DEPDC1B: variants seen among roughly 807,000 people sequenced by gnomAD.
DEPDC1B encodes the protein DEP domain containing 1B.
DEPDC1B carries 51 observed loss-of-function variants against 66.5 expected under a neutral mutation model. That is an observed-to-expected ratio of 0.77 (90% CI 0.61 to 0.97). The LOEUF is 0.97. DEPDC1B is among the 50% of genes least tolerant of loss of function. The pLI is 0.00. For synonymous variants in DEPDC1B, 226 were observed against 223.6 expected (o/e 1.01, Z -0.10); for missense variants, 552 against 637.1 (o/e 0.87, Z 1.44).
At chr5:60,684,060 A>G (rs1266014900) in intron 2 of DEPDC1B, among the ~76,000 whole-genome samples, 1 of 152,120 alleles carries the variant, frequency 6.6e-6, no homozygotes, top group South Asian at 2.1e-4. Context: ...AAAAATCTCT[A>G]TAAAGAAAAC....
chr5:60,602,086 T>C (rs1584018187), intron 9 of DEPDC1B, among the ~76,000 whole-genome samples: 1 of 147,134 alleles, frequency 6.8e-6, no homozygotes, highest in African/African-American at 2.6e-5. Flanking sequence ...TTTCTCATTG[T>C]TAACAGAATG....
rs540623224 is a variant in DEPDC1B, at chr5:60,638,173, G to A, written c.898+577C>T. Among the ~76,000 whole-genome samples, 16 of 152,226 alleles carry A rather than the reference G, an allele frequency of 1.1e-4. No individual in the cohort carries two copies. The East Asian group carries it at 1.5e-3, about 15-fold the overall frequency. ...TCCAAGAAGAAAGGAATATCGGAACGAACTATAACAATATTGTTGATTTTT... is the reference window on the plus strand; with the variant it reads ...TCCAAGAAGAAAGGAATATCGGAACAAACTATAACAATATTGTTGATTTTT... On this transcript the variant is annotated intron_variant, in intron 7 of 10. Coordinates refer to ENST00000265036, the MANE Select transcript of DEPDC1B (RefSeq NM_018369.3).
intron 2 of DEPDC1B, among the ~76,000 whole-genome samples, chr5:60,679,089 T>C (rs1754233925): frequency 6.6e-6 from 1 of 152,220 alleles, no homozygotes. Flanking sequence ...TTGAGGTTCT[T>C]TTTTTATTTT....
At chr5:60,609,648 T>G (rs1335065364) in intron 7 of DEPDC1B, among the ~76,000 whole-genome samples, 2 of 152,188 alleles carry the variant, frequency 1.3e-5, no homozygotes, top group East Asian at 3.8e-4. Context: ...TGGTTAGGTC[T>G]ATAACACTAC....
chr5:60,620,447 AAAAC>A (rs1476759938), intron 7 of DEPDC1B, among the ~76,000 whole-genome samples: 3 of 152,240 alleles, frequency 2.0e-5, no homozygotes, highest in Admixed American at 1.3e-4. Flanking sequence ...TTACAAGAAA[AAAAC>A]AAACAACCCC....
At chr5:60,647,118 A>C (rs1423660820) in intron 3 of DEPDC1B, among the ~76,000 whole-genome samples, 1 of 142,618 alleles carries the variant, frequency 7.0e-6, no homozygotes, top group Non-Finnish European at 1.5e-5. Context: ...GCCCTGGTCC[A>C]TGGAGAAATT....
chr5:60,661,941 C>T (rs1753724726), intron 2 of DEPDC1B, among the ~76,000 whole-genome samples: 1 of 152,280 alleles, frequency 6.6e-6, no homozygotes. Flanking sequence ...CAATGATGTC[C>T]ACCATAATAC....
chr5:60,664,184 A>G (rs1753785045), intron 2 of DEPDC1B, among the ~76,000 whole-genome samples: 1 of 152,186 alleles, frequency 6.6e-6, no homozygotes, highest in Admixed American at 6.5e-5. Flanking sequence ...TATGTCACAG[A>G]AAAAACAGGA....
chr5:60,627,440 T>C (rs925964752), intron 7 of DEPDC1B, among the ~76,000 whole-genome samples: 4 of 152,126 alleles, frequency 2.6e-5, no homozygotes, highest in Non-Finnish European at 5.9e-5. Flanking sequence ...TCTATCTTTT[T>C]TTTTTCTCCC....
chr5:60,667,708 TAAAATGGATATTTTACATATATATAA>T lies in DEPDC1B; in HGVS notation c.314+19228_314+19253del, dbSNP rs1561383978. Among the ~76,000 whole-genome samples, 9 of 104,224 alleles carry T rather than the reference TAAAATGGATATTTTACATATATATAA, an allele frequency of 8.6e-5. No homozygotes were observed. In the East Asian group the frequency reaches 1.2e-3, roughly 14 times the overall value. 68.4% of individuals were successfully genotyped at this position (104,224 alleles called of 152,430 possible). ...ATATAATGGATATTTTACATGTATA[TAAAATGGATATTTTACATATATATAA>T]AAAATGGATATTTTACATATATATA... On this transcript the variant is annotated intron_variant, in intron 2 of 10. Coordinates refer to ENST00000265036, the MANE Select transcript of DEPDC1B (RefSeq NM_018369.3).
rs141364402 is a variant in DEPDC1B, at chr5:60,605,099, T to C, written c.1065+591A>G. Among the ~76,000 whole-genome samples the C allele has an allele frequency of 9.9e-3, 1,508 of 152,232 alleles. 38 individuals are homozygous for C. Among genetic ancestry groups the C allele is most frequent in the East Asian group, 0.067 (345 of 5,170 alleles). ...AGTAAATTCTAAAATAAACTCTCTTTAAAAACATATGCCAATAGAAGCAGA... is the reference window on the plus strand; with the variant it reads ...AGTAAATTCTAAAATAAACTCTCTTCAAAAACATATGCCAATAGAAGCAGA... On this transcript the variant is annotated intron_variant, in intron 8 of 10. Coordinates refer to ENST00000265036, the MANE Select transcript of DEPDC1B (RefSeq NM_018369.3).
At chr5:60,692,865 T>C (rs1381872855) in intron 1 of DEPDC1B, among the ~76,000 whole-genome samples, 2 of 152,056 alleles carry the variant, frequency 1.3e-5, no homozygotes, top group Admixed American at 1.3e-4. Context: ...CAGAAAATAA[T>C]ATTGAGATGA....
chr5:60,629,405 T>C (rs1752875655), intron 7 of DEPDC1B, among the ~76,000 whole-genome samples: 1 of 152,236 alleles, frequency 6.6e-6, no homozygotes, highest in Non-Finnish European at 1.5e-5. Flanking sequence ...TTTTATTTTT[T>C]GAGCAAACTC....
chr5:60,608,771 G>C (rs1752359814), intron 7 of DEPDC1B, among the ~76,000 whole-genome samples: 1 of 151,968 alleles, frequency 6.6e-6, no homozygotes, highest in Non-Finnish European at 1.5e-5. Flanking sequence ...TAAACAACCA[G>C]TTGCTTGCCA....
intron 7 of DEPDC1B, among the ~76,000 whole-genome samples, chr5:60,621,144 T>C (rs1400584636): frequency 6.8e-6 from 1 of 146,530 alleles, no homozygotes; most frequent in East Asian, 2.0e-4. Context: ...TGTTGTGGGG[T>C]GGGGGTAGGG....
At chr5:60,615,890 C>T (rs185064786) in intron 7 of DEPDC1B, among the ~76,000 whole-genome samples, 4 of 152,312 alleles carry the variant, frequency 2.6e-5, no homozygotes, top group Admixed American at 6.5e-5. Flanking sequence ...GGAGGCACCC[C>T]GCAGTAGGGG....
intron 7 of DEPDC1B, among the ~76,000 whole-genome samples, chr5:60,619,667 A>T (rs545528910): frequency 1.3e-5 from 2 of 152,360 alleles, no homozygotes; most frequent in East Asian, 3.9e-4. Flanking sequence ...GGAACATTCC[A>T]TGCTCATGGG....
intron 7 of DEPDC1B, among the ~76,000 whole-genome samples, chr5:60,632,529 C>A (rs2111827836): frequency 6.6e-6 from 1 of 152,366 alleles, no homozygotes; most frequent in South Asian, 2.1e-4. Flanking sequence ...ATATCCAGCT[C>A]CTGCCTAAGA....
intron 2 of DEPDC1B, among the ~76,000 whole-genome samples, chr5:60,664,639 T>G (rs1219702952): frequency 6.6e-6 from 1 of 152,178 alleles, no homozygotes; most frequent in African/African-American, 2.4e-5. Context: ...ACTTGTGTAC[T>G]GATGGAAGCT....
Sources: gnomAD v4.1 joint callset for allele counts (sites outside exome capture counted in the v4.1 genomes callset) on GRCh38, gnomAD v4.1.1 for gene constraint, MANE v1.5 for transcripts, NCBI Gene and HGNC (gene_info 2026-07-23, HGNC 2026-07-21) for gene names.